The following CDON variants were observed in gnomAD, a reference collection of about 807,000 sequenced individuals.
The protein encoded by CDON is cell adhesion molecule-related/down-regulated by oncogenes.
CDON carries 73 observed loss-of-function variants against 120.9 expected under a neutral mutation model. That is an observed-to-expected ratio of 0.60 (90% confidence interval 0.50 to 0.73). The LOEUF (loss-of-function observed/expected upper bound fraction) is 0.73, where lower values mean the gene tolerates loss of function less well. CDON is among the 30% of genes least tolerant of loss of function. The pLI is 0.00. For synonymous variants in CDON, 566 were observed against 573.5 expected (o/e 0.99, Z 0.19); for missense variants, 1,470 against 1,587.3 (o/e 0.93, Z 1.26).
chr11:125,974,251 G>A (rs1360060874), intron 18 of CDON, among the ~76,000 whole-genome samples: 5 of 151,810 alleles, frequency 3.3e-5, no homozygotes, highest in East Asian at 1.9e-4. Context: ...TAAGCTCCAC[G>A]CAGGCAGGAG....
intron 1 of CDON, among the ~76,000 whole-genome samples, chr11:126,062,097 C>A (rs1036987456): frequency 1.3e-5 from 2 of 152,200 alleles, no homozygotes; most frequent in African/African-American, 4.8e-5. Flanking sequence ...CTCCCTGGGG[C>A]TGGGAAGTCA....
intron 18 of CDON, among the ~76,000 whole-genome samples, chr11:125,971,863 C>T (rs946034468): frequency 4.6e-5 from 7 of 152,334 alleles, no homozygotes; most frequent in African/African-American, 1.2e-4. Context: ...ATGCCAATCC[C>T]TTTCCATTAA....
In CDON at chr11:126,013,318, T is replaced by C. The variant is rs556051051; in HGVS notation, c.1198+1923A>G. On this transcript the variant is annotated intron_variant, in intron 7 of 19. Transcript: ENST00000531738. ...CCTTTCTTGCACCATCTTATTGTGGTTCTGGAATCAAGACTGGAGAGTTTC... is the reference window on the plus strand; with the variant it reads ...CCTTTCTTGCACCATCTTATTGTGGCTCTGGAATCAAGACTGGAGAGTTTC... Among the ~76,000 whole-genome samples, 9 of 152,330 alleles carry C rather than the reference T, an allele frequency of 5.9e-5. No homozygotes were observed. In the East Asian group the frequency reaches 1.7e-3, roughly 29 times the overall value.
intron 18 of CDON, among the ~76,000 whole-genome samples, chr11:125,971,225 C>T (rs1044720288): frequency 7.2e-5 from 11 of 151,852 alleles, no homozygotes; most frequent in Non-Finnish European, 1.2e-4. Context: ...CTACTAAAAA[C>T]ATAAAAAATT....
At chr11:126,054,185 T>C (rs1416246293) in intron 1 of CDON, among the ~76,000 whole-genome samples, 1 of 152,190 alleles carries the variant, frequency 6.6e-6, no homozygotes, top group East Asian at 1.9e-4. Flanking sequence ...ATTCTGATAC[T>C]GTAAAAAGCC....
At chr11:126,062,215 G>C (rs1019765549) in intron 1 of CDON, among the ~76,000 whole-genome samples, 2 of 152,188 alleles carry the variant, frequency 1.3e-5, no homozygotes, top group African/African-American at 2.4e-5. Flanking sequence ...GATGGAGATT[G>C]AGAGAGGCCA....
Position 126,005,714 on chromosome 11 carries a change from C to T in CDON, c.1851+45G>A, listed in dbSNP as rs144983344. 210 of 1,560,106 alleles carry T rather than the reference C, an allele frequency of 1.3e-4. 1 individual carries two copies. The African/African-American group carries it at 2.0e-3, about 15-fold the overall frequency. On this transcript the variant is annotated intron_variant, in intron 9 of 19. Coordinates refer to ENST00000531738, the MANE Select transcript of CDON (RefSeq NM_001378964.1). ...GCAACAGTATATGTTATACAAAGAA[C>T]GTTCAGGTGTGAGCCGAGAAAGATG...
At chr11:126,007,863 T>G (rs1014224163) in intron 8 of CDON, among the ~76,000 whole-genome samples, 2 of 152,202 alleles carry the variant, frequency 1.3e-5, no homozygotes, top group Non-Finnish European at 2.9e-5. Context: ...ACTTCCCCGG[T>G]GTTTTTGCAT....
In CDON at chr11:126,015,459, G is replaced by T. The variant is rs1367640562; in HGVS notation, c.980C>A (p.Ala327Asp). The stretch of plus-strand genomic sequence containing the variant: ...AACGTCGCAGGTAAAGTGTACTGTG[G>T]CACCCAGAGACACTATCTGATCCTG... The part of the protein sequence containing the change: ...GLQDQIVSLG[A>D]TVHFTCDVHG... The change falls in exon 7 of 20, where the codon GCC becomes GAC. Residue 327 changes from alanine (A) to aspartate (D), a missense_variant. By Grantham distance (126) the Ala-to-Asp change is moderately radical (BLOSUM62 -2). Transcript: ENST00000531738. 6.2e-7 allele frequency: 1 copy of T among 1,613,978 alleles called. No homozygotes were observed. Among genetic ancestry groups the T allele is most frequent in the East Asian group, 2.2e-5 (1 of 44,850 alleles).
chr11:126,060,771 T>C (rs908278604), intron 1 of CDON, among the ~76,000 whole-genome samples: 6 of 152,234 alleles, frequency 3.9e-5, no homozygotes, highest in African/African-American at 1.2e-4. Flanking sequence ...CAGCTGTATA[T>C]ACCCTGACGA....
intron 10 of CDON, among the ~76,000 whole-genome samples, chr11:126,002,896 C>T (rs1946992979): frequency 6.6e-6 from 1 of 152,172 alleles, no homozygotes; most frequent in East Asian, 1.9e-4. Context: ...GCAGCCCCAT[C>T]GTGTTCCTAG....
At chr11:125,975,640 A>G (rs1946131873) in intron 18 of CDON, among the ~76,000 whole-genome samples, 1 of 152,192 alleles carries the variant, frequency 6.6e-6, no homozygotes, top group Non-Finnish European at 1.5e-5. Flanking sequence ...CTCATTAGAA[A>G]TGCAAATTCT....
rs1406567842 is a variant in CDON, at chr11:126,018,556, T to C, written c.497-83A>G. 22 of 1,153,830 alleles carry C rather than the reference T, an allele frequency of 1.9e-5. No homozygotes were observed. In the Admixed American group the frequency reaches 2.7e-4, roughly 14 times the overall value. 71.5% of individuals were successfully genotyped at this position (1,153,830 alleles called of 1,614,324 possible). On this transcript the variant is annotated intron_variant, in intron 4 of 19. Transcript: ENST00000531738. ...AACTAAAACTCACAAAGGCTGATCA[T>C]TATGCTCTATTCCATCTTATTTTAT...
intron 17 of CDON, 142 bp from the exon 18 acceptor site, chr11:125,978,525 G>A (rs1946206608): frequency 4.4e-6 from 3 of 684,534 alleles, no homozygotes; most frequent in East Asian, 2.7e-5. Flanking sequence ...CCAACTCCCA[G>A]AGCAACGTCA....
At chr11:126,045,200 G>T (rs1375387607) in intron 1 of CDON, among the ~76,000 whole-genome samples, 4 of 152,076 alleles carry the variant, frequency 2.6e-5, no homozygotes, top group African/African-American at 9.7e-5. Flanking sequence ...TAATTTTTTT[G>T]TATTTTTAGT....
chr11:125,978,116 C>T (rs571835199), intron 18 of CDON, among the ~76,000 whole-genome samples, 188 bp downstream of exon 18: 2 of 152,082 alleles, frequency 1.3e-5, no homozygotes, highest in East Asian at 1.9e-4. Context: ...GCTGAAGAAA[C>T]CGAGGCACAA....
At chr11:126,026,370 C>A (rs141172642) in intron 1 of CDON, among the ~76,000 whole-genome samples, 4 of 152,166 alleles carry the variant, frequency 2.6e-5, no homozygotes, top group African/African-American at 9.7e-5. Flanking sequence ...ACTGGACCTA[C>A]GACTATAGAA....
chr11:126,042,335 G>A (rs954016413), intron 1 of CDON, among the ~76,000 whole-genome samples: 1 of 152,322 alleles, frequency 6.6e-6, no homozygotes. Flanking sequence ...CAGCACAGCA[G>A]TTATGCCACA....
intron 14 of CDON, among the ~76,000 whole-genome samples, chr11:125,989,992 A>G (rs958945604): frequency 1.1e-4 from 17 of 152,202 alleles, no homozygotes; most frequent in Admixed American, 3.9e-4. Flanking sequence ...ACCTAAAACT[A>G]TATCTGTGTG....
Sources: allele counts gnomAD v4.1 joint callset (sites outside exome capture counted in the v4.1 genomes callset), GRCh38; gene constraint gnomAD v4.1.1; transcripts MANE v1.5; gene names NCBI Gene and HGNC (gene_info 2026-07-23, HGNC 2026-07-21).